NKAIN2: variants seen among roughly 807,000 people sequenced by gnomAD.
The protein encoded by NKAIN2 is sodium/potassium transporting ATPase interacting 2.
NKAIN2 carries 14 observed loss-of-function variants against 32.6 expected under a neutral mutation model. The ratio of observed to expected loss-of-function variants is 0.43; its 90% CI spans 0.28 to 0.67. The LOEUF is 0.67. Ranked by LOEUF, NKAIN2 falls within the 30% of genes least tolerant of loss-of-function variation. The pLI is 0.17. For missense variants in NKAIN2, 198 were observed against 258.3 expected (o/e 0.77, Z 1.60); for synonymous variants, 80 against 87.2 (o/e 0.92, Z 0.46).
In NKAIN2 at chr6:124,179,955, AAG is replaced by A. The variant is rs59750114; in HGVS notation, c.55-103046_55-103045del. On this transcript the variant is annotated intron_variant, in intron 1 of 6. Coordinates refer to ENST00000368417, the MANE Select transcript of NKAIN2 (RefSeq NM_001040214.3). ...GACAGATTACTTGATTTAGAGGAGC[AAG>A]AGATTTAGATATTGCATAGTGCTGA... is the stretch of plus-strand genomic sequence containing the variant. 1.4e-3 allele frequency among the ~76,000 whole-genome samples: 220 copies of A among 152,286 alleles called. 7 individuals carry two copies. The East Asian group carries it at 0.033, about 23-fold the overall frequency.
At chr6:123,961,106 A>G (rs1777826681) in intron 1 of NKAIN2, among the ~76,000 whole-genome samples, 1 of 152,118 alleles carries the variant, frequency 6.6e-6, no homozygotes, top group Non-Finnish European at 1.5e-5. Context: ...ATAGTCTGCA[A>G]TTGTAACTGT....
chr6:124,560,004 G>C (rs889015842), intron 3 of NKAIN2, among the ~76,000 whole-genome samples: 1 of 151,850 alleles, frequency 6.6e-6, no homozygotes, highest in African/African-American at 2.4e-5. Flanking sequence ...GCACCTTTAG[G>C]TCAAAATATG....
chr6:124,549,133 G>A (rs190854585), intron 3 of NKAIN2, among the ~76,000 whole-genome samples: 6 of 152,246 alleles, frequency 3.9e-5, no homozygotes, highest in South Asian at 4.1e-4. Context: ...TTGGGAGGCC[G>A]AGGCAGGTGG....
At chr6:124,365,658 A>G (rs1799487466) in intron 3 of NKAIN2, among the ~76,000 whole-genome samples, 1 of 152,024 alleles carries the variant, frequency 6.6e-6, no homozygotes, top group Non-Finnish European at 1.5e-5. Context: ...TAGAATATCT[A>G]TATAAAACAG....
chr6:124,749,148 C>T (rs567103099), intron 4 of NKAIN2, among the ~76,000 whole-genome samples: 7 of 151,868 alleles, frequency 4.6e-5, no homozygotes, highest in Non-Finnish European at 8.8e-5. Context: ...CTGTTCCAAG[C>T]TTCTAGTGGC....
chr6:124,042,968 A>G (rs1318142570), intron 1 of NKAIN2, among the ~76,000 whole-genome samples: 1 of 152,130 alleles, frequency 6.6e-6, no homozygotes, highest in African/African-American at 2.4e-5. Context: ...TTGCATTGAC[A>G]TATTTAATAT....
intron 1 of NKAIN2, among the ~76,000 whole-genome samples, chr6:124,198,750 A>T (rs752383943): frequency 6.6e-6 from 1 of 151,900 alleles, no homozygotes; most frequent in Non-Finnish European, 1.5e-5. Context: ...TGCTCTCCCA[A>T]GGGGCATTTT....
At chr6:124,376,416 G>A (rs1287356606) in intron 3 of NKAIN2, among the ~76,000 whole-genome samples, 1 of 151,984 alleles carries the variant, frequency 6.6e-6, no homozygotes, top group Non-Finnish European at 1.5e-5. Flanking sequence ...AAAAGTTATG[G>A]GGAAATGCTA....
At chr6:124,508,467 C>T (rs930609136) in intron 3 of NKAIN2, among the ~76,000 whole-genome samples, 1 of 151,054 alleles carries the variant, frequency 6.6e-6, no homozygotes, top group African/African-American at 2.4e-5. Context: ...GCCTCAGCCT[C>T]CCTAGTAGCT....
chr6:124,530,692 A>G (rs1779491699), intron 3 of NKAIN2, among the ~76,000 whole-genome samples: 1 of 152,194 alleles, frequency 6.6e-6, no homozygotes, highest in Admixed American at 6.5e-5. Flanking sequence ...GGTGTAATTT[A>G]GTCTTAGTTT....
intron 1 of NKAIN2, among the ~76,000 whole-genome samples, chr6:123,911,414 C>A (rs1313791474): frequency 1.3e-5 from 2 of 151,872 alleles, no homozygotes; most frequent in African/African-American, 4.8e-5. Context: ...GAGGAGGTGC[C>A]AGACTCTTCA....
intron 5 of NKAIN2, among the ~76,000 whole-genome samples, chr6:124,817,399 G>A: frequency 6.6e-6 from 1 of 152,084 alleles, no homozygotes; most frequent in East Asian, 1.9e-4. Flanking sequence ...TTGGATGCTG[G>A]CTATCAGCTG....
At chr6:124,426,322 A>G (rs1479043538) in intron 3 of NKAIN2, among the ~76,000 whole-genome samples, 2 of 152,216 alleles carry the variant, frequency 1.3e-5, no homozygotes, top group Admixed American at 1.3e-4. Flanking sequence ...CACACTTAAA[A>G]AATGATAAAA....
intron 1 of NKAIN2, among the ~76,000 whole-genome samples, chr6:124,235,914 TC>T (rs1792731870): frequency 6.6e-6 from 1 of 151,988 alleles, no homozygotes; most frequent in African/African-American, 2.4e-5. Context: ...TATTTTTTTT[TC>T]TATTTAATTT....
rs35165515 is a variant in NKAIN2, at chr6:123,910,499, G to GTTTTTTTTTTTTTTTTTTTTTTT, written c.54+106246_54+106268dup. On this transcript the variant is annotated intron_variant, in intron 1 of 6. Transcript: ENST00000368417. Reference sequence around the variant, plus strand: ...TTTGAGGACATTACCTGCAATGCATGTTTTTTTTTTTTTTTTTTTTTTTGA... The same window carrying GTTTTTTTTTTTTTTTTTTTTTTT: ...TTTGAGGACATTACCTGCAATGCATGTTTTTTTTTTTTTTTTTTTTTTTTTTTTTTTTTTTTTTTTTTTTTTGA... Among the ~76,000 whole-genome samples, 5 of 81,318 alleles carry GTTTTTTTTTTTTTTTTTTTTTTT rather than the reference G, an allele frequency of 6.1e-5. 1 individual carries two copies. The highest frequency in any genetic ancestry group is 2.5e-4 in the African/African-American group (5 of 19,926). 53.3% of individuals were successfully genotyped at this position (81,318 alleles called of 152,430 possible).
intron 1 of NKAIN2, among the ~76,000 whole-genome samples, chr6:123,867,711 T>C (rs999387486): frequency 3.3e-5 from 5 of 152,184 alleles, no homozygotes; most frequent in Non-Finnish European, 5.9e-5. Context: ...TGTTTCATCA[T>C]TCAAGATTTA....
chr6:124,697,290 G>A (rs185914319), intron 4 of NKAIN2, among the ~76,000 whole-genome samples: 5 of 152,156 alleles, frequency 3.3e-5, no homozygotes, highest in East Asian at 3.9e-4. Context: ...AGAAGAAGAA[G>A]GAAAAGATGT....
chr6:123,809,990 G>T (rs1773389040), intron 1 of NKAIN2, among the ~76,000 whole-genome samples: 2 of 151,870 alleles, frequency 1.3e-5, no homozygotes, highest in Admixed American at 6.6e-5. Context: ...TAAATAATTT[G>T]TTATGCATTT....
At chr6:124,084,258 T>C (rs1784099149) in intron 1 of NKAIN2, among the ~76,000 whole-genome samples, 1 of 151,964 alleles carries the variant, frequency 6.6e-6, no homozygotes, top group South Asian at 2.1e-4. Context: ...CACATAACGA[T>C]TTTTCGGTCA....
Sources: gnomAD v4.1 joint callset for allele counts (sites outside exome capture counted in the v4.1 genomes callset) on GRCh38, gnomAD v4.1.1 for gene constraint, MANE v1.5 for transcripts, NCBI Gene and HGNC (gene_info 2026-07-23, HGNC 2026-07-21) for gene names.